The following PTPN23 variants were observed in gnomAD, a reference collection of about 807,000 sequenced individuals.
PTPN23 encodes the protein protein tyrosine phosphatase non-receptor type 23, also known as tyrosine-protein phosphatase non-receptor type 23.
A neutral mutation model predicts 156.3 loss-of-function variants in PTPN23; 72 were observed. The ratio of observed to expected loss-of-function variants is 0.46; its 90% CI spans 0.38 to 0.56. The LOEUF is 0.56. PTPN23 is among the 20% of genes least tolerant of loss of function. PTPN23 has a pLI of 0.00. For synonymous variants in PTPN23, 957 were observed against 899.6 expected (o/e 1.06, Z -1.14); for missense variants, 1,974 against 2,171.5 (o/e 0.91, Z 1.81).
rs769105075 is a variant in PTPN23 at position 47,411,338 on chromosome 3, C to A, written c.3540C>A (p.Ala1180=). 1 of 1,612,932 alleles carries A rather than the reference C, an allele frequency of 6.2e-7. No individual in the cohort carries two copies. The highest frequency in any genetic ancestry group is 1.7e-5 in the Admixed American group (1 of 60,026). The change falls in exon 20 of 25, where the codon GCC becomes GCA. Residue 1180 remains alanine, a synonymous_variant. Transcript: ENST00000265562. This position sits in a 1 kb window ranked among gnomAD's most constrained non-coding sequence, Gnocchi z 6.3. ...GGCAGTTGCAGCAGGAGCTGGAGGC[C>A]TTTCGGGGTCAGCTGGGGGATGTGG... is the stretch of plus-strand genomic sequence containing the variant. The part of the protein sequence containing the change: ...RLRQLQQELE[A]FRGQLGDVGA...
rs747452736 is a variant in PTPN23 at position 47,407,269 on chromosome 3, G to A, written c.865-40G>A. On this transcript the variant is annotated intron_variant, in intron 10 of 24. Transcript: ENST00000265562. The surrounding 1 kb of genome is among the most constrained non-coding windows in gnomAD (Gnocchi z 4.0). The stretch of plus-strand genomic sequence containing the variant: ...GAGGGGGTGTCCTGGTGCCAGCCTT[G>A]GTTAGTGCTAAGGCCCCACCCCTGT... 2.5e-6 allele frequency: 4 copies of A among 1,613,598 alleles called. No individual in the cohort carries two copies. The highest frequency in any genetic ancestry group is 3.4e-6 in the Non-Finnish European group (4 of 1,179,644).
chr3:47,386,719 TG>T (rs1394342588), intron 1 of PTPN23, among the ~76,000 whole-genome samples: 1 of 152,170 alleles, frequency 6.6e-6, no homozygotes, highest in Non-Finnish European at 1.5e-5. Flanking sequence ...CTGTTACCTG[TG>T]GTGGTGACCT....
intron 2 of PTPN23, among the ~76,000 whole-genome samples, chr3:47,402,156 T>C (rs1267631560): frequency 1.3e-5 from 2 of 151,830 alleles, no homozygotes; most frequent in African/African-American, 2.4e-5. Flanking sequence ...TTTGTTGTTT[T>C]CCCCCCAAAA....
At chr3:47,404,802 G>A (rs778883571) in intron 3 of PTPN23, 23 bp downstream of exon 3, 1 of 1,611,406 alleles carries the variant, frequency 6.2e-7, no homozygotes, top group South Asian at 1.1e-5. Flanking sequence ...GGCAGGGCTG[G>A]AGGATCCCAC....
chr3:47,396,271 G>C, intron 2 of PTPN23, 54 bp downstream of exon 2: 1 of 1,479,746 alleles, frequency 6.8e-7, no homozygotes, highest in Non-Finnish European at 9.3e-7. Context: ...TGGTTTGATA[G>C]GGAGATAAAG....
rs991387716 is a variant in PTPN23 at position 47,405,441 on chromosome 3, C to T, written c.365-308C>T. ...GGCCTCAGCTTACCCTGCTAGTCAGCCTTAGCCTGGCTCAAGGGAGAAGCT... is the reference window on the plus strand; with the variant it reads ...GGCCTCAGCTTACCCTGCTAGTCAGTCTTAGCCTGGCTCAAGGGAGAAGCT... On this transcript the variant is annotated intron_variant, in intron 4 of 24. Transcript: ENST00000265562. The surrounding 1 kb of genome is among the most constrained non-coding windows in gnomAD (Gnocchi z 4.7). 2 of 540,060 alleles carry T rather than the reference C, an allele frequency of 3.7e-6. No individual in the cohort carries two copies. The highest frequency in any genetic ancestry group is 6.5e-5 in the Admixed American group (2 of 30,634). The allele number at this position is 540,060 out of a possible 1,614,324, so 33.5% of individuals were successfully genotyped here.
intron 1 of PTPN23, among the ~76,000 whole-genome samples, chr3:47,386,332 A>C (rs148370945): frequency 6.6e-6 from 1 of 151,874 alleles, no homozygotes; most frequent in Non-Finnish European, 1.5e-5. Flanking sequence ...CGCCCAACCA[A>C]TTTTTGTATT....
intron 1 of PTPN23, 36 bp downstream of exon 1, chr3:47,381,216 C>T: frequency 1.9e-6 from 3 of 1,555,340 alleles, no homozygotes; most frequent in Non-Finnish European, 2.6e-6. Flanking sequence ...CTATCCGCCG[C>T]GTATCTCCGT....
At position 47,406,112 on chromosome 3, in the gene PTPN23, T is replaced by C. The variant is rs1423031219; in HGVS notation, c.546+66T>C. 2.5e-6 allele frequency: 4 copies of C among 1,580,148 alleles called. No homozygotes were observed. In the East Asian group the frequency reaches 9.2e-5, roughly 36 times the overall value. On this transcript the variant is annotated intron_variant, in intron 6 of 24. Transcript: ENST00000265562. This position sits in a 1 kb window ranked among gnomAD's most constrained non-coding sequence, Gnocchi z 5.8. ...AAGGGGATGGCCAGGGAGGGGGCAG[T>C]TGGGCCTGGATCCTGGACCAAGGCA...
At chr3:47,381,289 C>G (rs1213209295) in intron 1 of PTPN23, 109 bp downstream of exon 1, 1 of 1,446,598 alleles carries the variant, frequency 6.9e-7, no homozygotes, top group Non-Finnish European at 9.4e-7. Context: ...GTCGCAGGGT[C>G]CGGTGAGGCC....
rs200695676 is a variant in PTPN23, at chr3:47,412,389, C to A, written c.4285C>A (p.Arg1429=). The part of the protein sequence containing the change: ...PELPQLVRRM[R]QQRKHMLQEK... ...GCTGCCTCAGCTGGTGCGGCGCATG[C>A]GGCAGCAGAGAAAGCACATGCTGCA... The change falls in exon 23 of 25, where the codon CGG becomes AGG. Residue 1429 remains arginine (R), a synonymous_variant. Coordinates refer to ENST00000265562, the MANE Select transcript of PTPN23 (RefSeq NM_015466.4). The A allele has an allele frequency of 1.9e-6, 3 of 1,613,104 alleles. No homozygotes were observed. Among genetic ancestry groups the A allele is most frequent in the Admixed American group, 3.3e-5 (2 of 60,024 alleles).
rs1390217222 is a variant in PTPN23, at chr3:47,411,288, C to T, written c.3490C>T (p.Pro1164Ser). Residue 1164 changes from proline (P) to serine (S), a missense_variant, in exon 20 of 25, where the codon CCC becomes TCC. By Grantham distance (74) the Pro-to-Ser change is moderately conservative. This residue lies in a region of PTPN23 where 731 missense variants were observed against 669.1 expected (regional missense o/e 1.09). Coordinates refer to ENST00000265562, the MANE Select transcript of PTPN23 (RefSeq NM_015466.4). This position sits in a 1 kb window ranked among gnomAD's most constrained non-coding sequence, Gnocchi z 6.3. ...GGCCCTGCGGCTGATTGAGCGGGACCCCTATGAGCATCCTGAGAGGCTGCG... is the reference window on the plus strand; with the variant it reads ...GGCCCTGCGGCTGATTGAGCGGGACTCCTATGAGCATCCTGAGAGGCTGCG... ...PQALRLIERD[P>S]YEHPERLRQL... 3 of 1,612,052 alleles carry T rather than the reference C, an allele frequency of 1.9e-6. No homozygotes were observed. The highest frequency in any genetic ancestry group is 3.3e-5 in the Admixed American group (2 of 60,022).
rs1276324215 is a variant in PTPN23, at chr3:47,409,153, C to T, written c.1643-10C>T. The T allele has an allele frequency of 6.2e-7, 1 of 1,611,626 alleles. No individual in the cohort carries two copies. Among genetic ancestry groups the T allele is most frequent in the Non-Finnish European group, 8.5e-7 (1 of 1,178,426 alleles). On this transcript the variant is annotated splice_polypyrimidine_tract_variant and intron_variant, in intron 16 of 24. Coordinates refer to ENST00000265562, the MANE Select transcript of PTPN23 (RefSeq NM_015466.4). ...GTTTCTCTGGCCTCACTGACCACTG[C>T]TGCCCACAGAGGACAAGGCCGTGCT...
In PTPN23 at chr3:47,409,051, G is replaced by T. The variant is rs1338846464; in HGVS notation, c.1606G>T (p.Val536Phe). Residue 536 changes from valine (V) to phenylalanine (F), a missense_variant, in exon 16 of 25, where the codon GTC (valine) becomes TTC (phenylalanine). By Grantham distance (50) the Val-to-Phe change is conservative. Around this residue, in one of 4 missense-constraint regions of PTPN23, gnomAD observed 726 missense variants for 929.5 expected, o/e 0.78. Transcript: ENST00000265562. The part of the protein sequence containing the change: ...LRLLSGPLDQ[V>F]RAALPTPALS... Reference sequence around the variant, plus strand: ...CCTGCTCAGCGGGCCGCTTGACCAGGTCCGGGCTGCCCTGCCCACACCGGC... The same window carrying T: ...CCTGCTCAGCGGGCCGCTTGACCAGTTCCGGGCTGCCCTGCCCACACCGGC... 1 of 1,613,594 alleles carries T rather than the reference G, an allele frequency of 6.2e-7. No individual in the cohort carries two copies. Among genetic ancestry groups the T allele is most frequent in the Non-Finnish European group, 8.5e-7 (1 of 1,179,868 alleles).
intron 2 of PTPN23, 72 bp downstream of exon 2, chr3:47,396,289 C>A: frequency 7.6e-7 from 1 of 1,313,918 alleles, no homozygotes; most frequent in East Asian, 2.4e-5. Context: ...AAGAAACTGC[C>A]TAGGCTGGGC....
chr3:47,402,779 C>A (rs966671677), intron 2 of PTPN23, among the ~76,000 whole-genome samples: 1 of 152,186 alleles, frequency 6.6e-6, no homozygotes, highest in Non-Finnish European at 1.5e-5. Flanking sequence ...GATCTCAGCT[C>A]ACTGCAACCT....
chr3:47,408,318 C>A, intron 14 of PTPN23, 27 bp from the exon 15 acceptor site: 1 of 1,607,432 alleles, frequency 6.2e-7, no homozygotes, highest in Non-Finnish European at 8.5e-7. Flanking sequence ...GCACCCAGCA[C>A]CCACCTGGCC....
rs1377104006 is a variant in PTPN23, at chr3:47,412,989, C to A, written c.4715C>A (p.Pro1572His). Residue 1572 changes from proline to histidine, a missense_variant, in exon 25 of 25, where the codon CCC (proline) becomes CAC (histidine). Pro to His is a moderately conservative substitution (Grantham distance 77, BLOSUM62 -2). Around this residue, in one of 4 missense-constraint regions of PTPN23, gnomAD observed 484 missense variants for 516.0 expected, o/e 0.94. Coordinates refer to ENST00000265562, the MANE Select transcript of PTPN23 (RefSeq NM_015466.4). The part of the protein sequence containing the change: ...PPVPEAPSSG[P>H]PSSSLELLAS... ...GTGCCTGAAGCCCCCAGCTCGGGGC[C>A]CCCCTCCTCCTCCCTGGAATTGCTG... The A allele has an allele frequency of 5.0e-6, 8 of 1,611,646 alleles. No homozygotes were observed. Among genetic ancestry groups the A allele is most frequent in the Non-Finnish European group, 5.9e-6 (7 of 1,179,278 alleles).
rs759617427 is a variant in PTPN23, at chr3:47,413,095, G to GC, written c.4821_4822insC (p.Ala1608ArgfsTer3). The GC allele has an allele frequency of 6.2e-7, 1 of 1,612,920 alleles. No homozygotes were observed. The highest frequency in any genetic ancestry group is 8.5e-7 in the Non-Finnish European group (1 of 1,180,024). On this transcript the variant is annotated frameshift_variant, in exon 25 of 25. Transcript: ENST00000265562. LOFTEE classifies it high-confidence loss of function. ...GGATGAGCAAGCATAACTTTCTGCA[G>GC]GCCCATAACGGGCAAGGGCTGCGGG...
Sources: allele counts gnomAD v4.1 joint callset (sites outside exome capture counted in the v4.1 genomes callset), GRCh38; gene constraint gnomAD v4.1.1; regional missense constraint gnomAD v4.1.1; non-coding constraint Gnocchi (gnomAD v3.1); transcripts MANE v1.5; gene names NCBI Gene and HGNC (gene_info 2026-07-23, HGNC 2026-07-21).